Variants in TMEM217B observed in about 807,000 individuals in gnomAD.
TMEM217B encodes putative transmembrane protein 217B.
At chr6:37,237,569 CA>C in the TMEM217B span, among the ~76,000 whole-genome samples, 9 of 152,110 alleles carry the variant, frequency 5.9e-5, no homozygotes, top group African/African-American at 2.2e-4. Flanking sequence ...TTGAATGTAA[CA>C]GAATTAGACC....
chr6:37,247,804 C>T, the TMEM217B span, among the ~76,000 whole-genome samples: 1 of 152,182 alleles, frequency 6.6e-6, no homozygotes, highest in African/African-American at 2.4e-5. Context: ...TGTTTACCAA[C>T]TCCTGAGAGT....
chr6:37,244,791 C>T, the TMEM217B span, among the ~76,000 whole-genome samples: 2 of 152,234 alleles, frequency 1.3e-5, no homozygotes, highest in African/African-American at 4.8e-5. Flanking sequence ...CTGAGCTGAG[C>T]TGATCTCAGC....
the TMEM217B span, among the ~76,000 whole-genome samples, chr6:37,220,655 G>C: frequency 6.6e-6 from 1 of 151,758 alleles, no homozygotes; most frequent in African/African-American, 2.4e-5. Flanking sequence ...CTAAGTGTCT[G>C]GCAGAAGCAA....
chr6:37,253,166 A>G, the TMEM217B span, among the ~76,000 whole-genome samples: 2 of 152,140 alleles, frequency 1.3e-5, no homozygotes, highest in East Asian at 1.9e-4. Context: ...GCTATGTAGC[A>G]TTCAAATTTG....
At chr6:37,230,380 T>C in the TMEM217B span, among the ~76,000 whole-genome samples, 1 of 152,190 alleles carries the variant, frequency 6.6e-6, no homozygotes, top group Non-Finnish European at 1.5e-5. Context: ...ATGGGCTGAA[T>C]TGTGCCCCTC....
the TMEM217B span, chr6:37,218,185 T>G: frequency 7.1e-3 from 7,983 of 1,120,416 alleles, 7 homozygotes; most frequent in Middle Eastern, 0.011. Flanking sequence ...TTTTTTTTTT[T>G]GGGGGACAGA....
chr6:37,227,731 G>A, the TMEM217B span, among the ~76,000 whole-genome samples: 5 of 152,084 alleles, frequency 3.3e-5, no homozygotes, highest in East Asian at 9.6e-4. Flanking sequence ...TTACAGGTAT[G>A]AGCCATTGCG....
chr6:37,217,949 A>C, the TMEM217B span: 1 of 987,350 alleles, frequency 1.0e-6, no homozygotes. Context: ...CCTTTAACTA[A>C]ATACCCTCAA....
the TMEM217B span, among the ~76,000 whole-genome samples, chr6:37,213,219 T>C: frequency 6.6e-6 from 1 of 152,346 alleles, no homozygotes; most frequent in Non-Finnish European, 1.5e-5. Flanking sequence ...GCCTGGGACT[T>C]CCTAAGTAGC....
At chr6:37,251,031 A>G in the TMEM217B span, among the ~76,000 whole-genome samples, 1 of 133,942 alleles carries the variant, frequency 7.5e-6, no homozygotes, top group Non-Finnish European at 1.7e-5. Context: ...CCTTTCCACC[A>G]TGTGGGGACA....
the TMEM217B span, among the ~76,000 whole-genome samples, chr6:37,232,424 C>A: frequency 3.3e-4 from 51 of 152,240 alleles, no homozygotes; most frequent in African/African-American, 1.1e-3. Context: ...CTCGCTCTGT[C>A]GCCCAGGCTG....
chr6:37,257,812 C>A, the TMEM217B span: 1 of 1,291,850 alleles, frequency 7.7e-7, no homozygotes, highest in South Asian at 1.4e-5. Context: ...AGCGGGTGAC[C>A]GGCGGCGGGG....
At chr6:37,232,575 CCTA>C in the TMEM217B span, among the ~76,000 whole-genome samples, 1 of 84,772 alleles carries the variant, frequency 1.2e-5, no homozygotes, top group Non-Finnish European at 2.6e-5. Context: ...GCTGGGAAAT[CCTA>C]CTACCCTTCT....
At chr6:37,239,664 A>T in the TMEM217B span, among the ~76,000 whole-genome samples, 1 of 152,148 alleles carries the variant, frequency 6.6e-6, no homozygotes, top group East Asian at 1.9e-4. Flanking sequence ...AATTGCTCTC[A>T]TCAAGTTGAC....
the TMEM217B span, among the ~76,000 whole-genome samples, chr6:37,227,379 C>A: frequency 6.6e-6 from 1 of 152,188 alleles, no homozygotes; most frequent in Non-Finnish European, 1.5e-5. Context: ...CCTTCCCATT[C>A]TTTTTCCCAT....
chr6:37,235,137 C>A, the TMEM217B span, among the ~76,000 whole-genome samples: 138 of 152,218 alleles, frequency 9.1e-4, no homozygotes, highest in Non-Finnish European at 1.6e-3. Flanking sequence ...AAAACATTAT[C>A]ATGAGAAGTA....
chr6:37,215,994 GGTGTGTGTGT>G, the TMEM217B span, among the ~76,000 whole-genome samples: 36 of 149,182 alleles, frequency 2.4e-4, no homozygotes, highest in East Asian at 5.9e-4. Flanking sequence ...GGTTCTTCAG[GGTGTGTGTGT>G]GTGTGTGTGT....
At chr6:37,223,082 T>C in the TMEM217B span, among the ~76,000 whole-genome samples, 25 of 152,068 alleles carry the variant, frequency 1.6e-4, no homozygotes, top group South Asian at 4.4e-3. Flanking sequence ...TTATCCAGAA[T>C]GTAGCACAGG....
chr6:37,224,395 G>A, the TMEM217B span, among the ~76,000 whole-genome samples: 1,442 of 150,008 alleles, frequency 9.6e-3, 20 homozygotes, highest in African/African-American at 0.033. Flanking sequence ...TCAGGAGATC[G>A]AGACCATCCT....
Sources: gnomAD v4.1 joint callset for allele counts (sites outside exome capture counted in the v4.1 genomes callset) on GRCh38, gnomAD v4.1.1 for gene constraint, MANE v1.5 for transcripts, NCBI Gene and HGNC (gene_info 2026-07-23, HGNC 2026-07-21) for gene names.